Variants in WDR20 observed in about 807,000 individuals in gnomAD.
WDR20 encodes WD repeat domain 20.
A neutral mutation model predicts 38.7 loss-of-function variants in WDR20; 3 were observed. The ratio of observed to expected loss-of-function variants is 0.08; its 90% CI spans 0.04 to 0.20. The LOEUF (loss-of-function observed/expected upper bound fraction) is 0.20, where lower values mean the gene tolerates loss of function less well. WDR20 is among the 10% of genes least tolerant of loss of function. WDR20 has a pLI of 1.00. For missense variants in WDR20, 559 were observed against 727.7 expected (o/e 0.77, Z 2.67); for synonymous variants, 298 against 285.6 (o/e 1.04, Z -0.44).
downstream of WDR20, among the ~76,000 whole-genome samples, chr14:102,215,427 G>A (rs1163185976): frequency 6.6e-6 from 1 of 152,212 alleles, no homozygotes; most frequent in East Asian, 1.9e-4. Flanking sequence ...AGCTGGGAGA[G>A]TGGAGAAGGT....
At chr14:102,151,678 C>A (rs1290749174) in intron 1 of WDR20, among the ~76,000 whole-genome samples, 3 of 151,924 alleles carry the variant, frequency 2.0e-5, no homozygotes, top group African/African-American at 7.2e-5. Flanking sequence ...CATGAACCAC[C>A]ATGCTGGGCC....
At chr14:102,195,649 A>G (rs1317318564) in intron 2 of WDR20, among the ~76,000 whole-genome samples, 2 of 152,256 alleles carry the variant, frequency 1.3e-5, no homozygotes, top group Admixed American at 1.3e-4. Context: ...GTCACATGAC[A>G]TAGCTTTTGC....
intron 1 of WDR20, among the ~76,000 whole-genome samples, chr14:102,147,763 C>A (rs571106516): frequency 1.3e-5 from 2 of 152,306 alleles, no homozygotes; most frequent in South Asian, 4.2e-4. Flanking sequence ...CAGAGTCTCA[C>A]TCTATTCCCC....
At chr14:102,204,610 A>G (rs2061167173) in intron 2 of WDR20, among the ~76,000 whole-genome samples, 1 of 152,060 alleles carries the variant, frequency 6.6e-6, no homozygotes, top group Non-Finnish European at 1.5e-5. Context: ...TGACCTCTCT[A>G]AGCTTCTTTT....
intron 1 of WDR20, among the ~76,000 whole-genome samples, chr14:102,170,809 C>A (rs1307055535): frequency 1.3e-5 from 2 of 151,630 alleles, no homozygotes; most frequent in Admixed American, 1.3e-4. Flanking sequence ...ATAAATTAGC[C>A]CTTAATCTGT....
At chr14:102,195,154 C>T in intron 2 of WDR20, 34 bp downstream of exon 2, 3 of 1,601,914 alleles carry the variant, frequency 1.9e-6, no homozygotes, top group Non-Finnish European at 2.6e-6. Context: ...GTTAAGAATC[C>T]CTTTAAGAGT....
intron 2 of WDR20, among the ~76,000 whole-genome samples, chr14:102,205,311 A>G (rs1037838829): frequency 6.6e-6 from 1 of 152,120 alleles, no homozygotes; most frequent in Admixed American, 6.5e-5. Flanking sequence ...GACAGTGCAT[A>G]GTATGCTCCC....
Position 102,207,283 on chromosome 14 carries a change from A to G in WDR20, c.433-1320A>G, listed in dbSNP as rs2061720231. On this transcript the variant is annotated intron_variant, in intron 2 of 2. Transcript: ENST00000342702. The surrounding 1 kb of genome is among the most constrained non-coding windows in gnomAD (Gnocchi z 5.0). ...GTTAGCAGCCTACTTTCTAGGGTCT[A>G]ATGTTCATGCAGTGAGCTTGCATGG... 6.6e-6 allele frequency among the ~76,000 whole-genome samples: 1 copy of G among 152,246 alleles called. No homozygotes were observed. Among genetic ancestry groups the G allele is most frequent in the Admixed American group, 6.5e-5 (1 of 15,284 alleles).
Position 102,171,239 on chromosome 14 carries a change from T to C in WDR20, c.250-23699T>C, listed in dbSNP as rs775400563. 332 of 144,218 alleles carry C rather than the reference T, an allele frequency of 2.3e-3. 1 individual carries two copies. Among genetic ancestry groups the C allele is most frequent in the Middle Eastern group, 0.012 (3 of 258 alleles). The allele number at this position is 144,218 out of a possible 1,614,324, so 8.9% of individuals were successfully genotyped here. On this transcript the variant is annotated intron_variant, in intron 1 of 2. Transcript: ENST00000342702. ...TGCTGGAATTACAGGTGCAAGCCACTGCGCCTGGCCTCTCTCTTTTTTTTT... is the reference window on the plus strand; with the variant it reads ...TGCTGGAATTACAGGTGCAAGCCACCGCGCCTGGCCTCTCTCTTTTTTTTT...
downstream of WDR20, among the ~76,000 whole-genome samples, chr14:102,224,037 A>ATTT (rs533802492): frequency 2.3e-3 from 277 of 123,098 alleles, 8 homozygotes; most frequent in African/African-American, 3.6e-3. Context: ...TTTACCTGAG[A>ATTT]TTTTTTTTTT....
At chr14:102,158,401 G>A (rs925072248) in intron 1 of WDR20, among the ~76,000 whole-genome samples, 2 of 151,984 alleles carry the variant, frequency 1.3e-5, no homozygotes, top group African/African-American at 2.4e-5. Flanking sequence ...GGGTTCAAGC[G>A]ATTCCCCTGC....
intron 1 of WDR20, among the ~76,000 whole-genome samples, chr14:102,189,620 G>A (rs1345847487): frequency 1.3e-5 from 2 of 152,136 alleles, no homozygotes; most frequent in Non-Finnish European, 2.9e-5. Flanking sequence ...ATGTTTATCT[G>A]TCAGAATCTG....
chr14:102,219,273 T>C (rs2063605938), downstream of WDR20, among the ~76,000 whole-genome samples: 1 of 152,246 alleles, frequency 6.6e-6, no homozygotes, highest in African/African-American at 2.4e-5. Context: ...TTGCCTCCAG[T>C]GTTCACCACG....
chr14:102,215,393 A>T (rs2063096260), downstream of WDR20, among the ~76,000 whole-genome samples: 1 of 152,096 alleles, frequency 6.6e-6, no homozygotes, highest in South Asian at 2.1e-4. Context: ...GACATCCGAC[A>T]TTCTGTCCAG....
chr14:102,154,187 A>G (rs1208149576), intron 1 of WDR20, among the ~76,000 whole-genome samples: 1 of 152,204 alleles, frequency 6.6e-6, no homozygotes, highest in Non-Finnish European at 1.5e-5. Context: ...TCTTTCATAT[A>G]CTACTTACTA....
intron 1 of WDR20, among the ~76,000 whole-genome samples, chr14:102,161,142 A>ATATATATATATATATATTTTTTTTTT (rs1342924049): frequency 6.2e-5 from 1 of 16,048 alleles, no homozygotes; most frequent in Non-Finnish European, 9.5e-5. Context: ...ATATATATAT[A>ATATATATATATATATATTTTTTTTTT]TTTTTTTTTT....
At chr14:102,214,382 AGTCT>A, downstream of WDR20, 1 of 985,438 alleles carries the variant, frequency 1.0e-6, no homozygotes, top group Non-Finnish European at 1.2e-6. Flanking sequence ...GCCGAAGTGA[AGTCT>A]GTGGCTTTAT....
In WDR20 at chr14:102,177,167, C is replaced by G. The variant is rs182846844; in HGVS notation, c.250-17771C>G. On this transcript the variant is annotated intron_variant, in intron 1 of 2. Transcript: ENST00000342702. ...CAAAATCTCTCTATCATCATTTCTCCTGATGAGATTCTCCCATTCAGATAT... is the reference window on the plus strand; with the variant it reads ...CAAAATCTCTCTATCATCATTTCTCGTGATGAGATTCTCCCATTCAGATAT... Among the ~76,000 whole-genome samples, 10 of 152,344 alleles carry G rather than the reference C, an allele frequency of 6.6e-5. No homozygotes were observed. The East Asian group carries it at 1.9e-3, about 29-fold the overall frequency.
At chr14:102,190,944 T>C (rs1479040986) in intron 1 of WDR20, among the ~76,000 whole-genome samples, 5 of 149,668 alleles carry the variant, frequency 3.3e-5, no homozygotes, top group African/African-American at 1.2e-4. Flanking sequence ...GAGGTTACAG[T>C]GAGCTGAAGT....
Sources: gnomAD v4.1 joint callset for allele counts (sites outside exome capture counted in the v4.1 genomes callset) on GRCh38, gnomAD v4.1.1 for gene constraint, Gnocchi (gnomAD v3.1) non-coding constraint, MANE v1.5 for transcripts, NCBI Gene and HGNC (gene_info 2026-07-23, HGNC 2026-07-21) for gene names.